The following TRHDE variants were observed in gnomAD, a reference collection of about 807,000 sequenced individuals.
TRHDE encodes thyrotropin releasing hormone degrading enzyme, also known as thyrotropin-releasing hormone-degrading ectoenzyme.
In TRHDE, 72 loss-of-function variants were observed where a neutral mutation model predicts 125.7. The ratio of observed to expected loss-of-function variants is 0.57; its 90% CI spans 0.47 to 0.70. The LOEUF is 0.70. Among genes scored for constraint, TRHDE ranks in the 30% least tolerant of loss-of-function variants. TRHDE has a pLI of 0.00. For missense variants in TRHDE, 1,110 were observed against 1,327.1 expected, an observed-to-expected ratio of 0.84 and a Z score of 2.54; for synonymous variants, 509 against 509.1, an observed-to-expected ratio of 1.00 and a Z score of 0.00.
chr12:72,490,993 A>T (rs201091717), intron 5 of TRHDE, among the ~76,000 whole-genome samples: 1 of 45,544 alleles, frequency 2.2e-5, no homozygotes, highest in Non-Finnish European at 3.5e-5. Context: ...CCACAAAACC[A>T]AAAAAAAAAA....
chr12:72,515,281 A>C (rs1473205595), intron 6 of TRHDE, among the ~76,000 whole-genome samples: 1 of 139,428 alleles, frequency 7.2e-6, no homozygotes, highest in Non-Finnish European at 1.5e-5. Context: ...CTATTTCTCC[A>C]CATCCTCTCC....
In TRHDE at chr12:72,335,413, C is replaced by T. The variant is rs1869786522; in HGVS notation, c.1189-42582C>T. On this transcript the variant is annotated intron_variant, in intron 2 of 18. Transcript: ENST00000261180. ...TTTGGCATTTAGTCATCTTTTATTT[C>T]AGTCTTTTCTGTGGTGGGCCAGAAA... 2.6e-5 allele frequency among the ~76,000 whole-genome samples: 4 copies of T among 152,282 alleles called. No homozygotes were observed. In the South Asian group the frequency reaches 8.3e-4, roughly 32 times the overall value.
intron 3 of TRHDE, among the ~76,000 whole-genome samples, chr12:72,387,579 A>G (rs1266257363): frequency 1.3e-5 from 2 of 152,140 alleles, no homozygotes; most frequent in African/African-American, 2.4e-5. Flanking sequence ...AAACATTTCA[A>G]TGGCTTCCCA....
chr12:72,104,174 A>C (rs1234589157), intron 1 of TRHDE, among the ~76,000 whole-genome samples: 1 of 152,104 alleles, frequency 6.6e-6, no homozygotes, highest in Non-Finnish European at 1.5e-5. Context: ...AAATTTTATT[A>C]TTTACTCTTA....
At position 72,547,151 on chromosome 12, in the gene TRHDE, GTT is replaced by G. The variant is rs5799079; in HGVS notation, c.1788+4806_1788+4807del. Among the ~76,000 whole-genome samples, 394 of 143,894 alleles carry G rather than the reference GTT, an allele frequency of 2.7e-3. 3 individuals are homozygous for G. The highest frequency in any genetic ancestry group is 9.0e-3 in the African/African-American group (358 of 39,820). 94.4% of individuals were successfully genotyped at this position (143,894 alleles called of 152,430 possible). On this transcript the variant is annotated intron_variant, in intron 7 of 18. Coordinates refer to ENST00000261180, the MANE Select transcript of TRHDE (RefSeq NM_013381.3). ...AATATTATTTGCATTATTTTTACTT[GTT>G]TTTTTTTTTTACCATATGGAGATTT...
chr12:72,224,097 T>C (rs1414683592), intron 2 of TRHDE, among the ~76,000 whole-genome samples: 2 of 32,376 alleles, frequency 6.2e-5, no homozygotes, highest in African/African-American at 2.7e-4. Context: ...TATCCATCTA[T>C]CTATCTATCT....
At chr12:72,515,490 T>C (rs1471772188) in intron 6 of TRHDE, among the ~76,000 whole-genome samples, 1 of 152,160 alleles carries the variant, frequency 6.6e-6, no homozygotes, top group African/African-American at 2.4e-5. Flanking sequence ...GGGATGTCTG[T>C]TTGTTTTTTT....
intron 2 of TRHDE, among the ~76,000 whole-genome samples, chr12:72,306,378 A>G (rs1471311117): frequency 1.3e-5 from 2 of 152,194 alleles, no homozygotes; most frequent in African/African-American, 4.8e-5. Context: ...GAAAATCTGC[A>G]TAATACTAAC....
chr12:72,195,210 G>C (rs527770124), intron 2 of TRHDE, among the ~76,000 whole-genome samples: 89 of 152,144 alleles, frequency 5.8e-4, no homozygotes, highest in African/African-American at 2.1e-3. Context: ...TCCATCCCAC[G>C]ACACGCGGGG....
chr12:72,397,314 A>G (rs1295694211), intron 3 of TRHDE, among the ~76,000 whole-genome samples: 1 of 152,228 alleles, frequency 6.6e-6, no homozygotes, highest in Non-Finnish European at 1.5e-5. Flanking sequence ...TCACCAAGCC[A>G]TCACCTTTTT....
At chr12:72,243,151 T>C (rs527656803) in intron 2 of TRHDE, among the ~76,000 whole-genome samples, 1 of 152,330 alleles carries the variant, frequency 6.6e-6, no homozygotes, top group African/African-American at 2.4e-5. Flanking sequence ...ACCTGGTCTT[T>C]GATGACATGA....
At chr12:72,241,833 G>T (rs1419162596) in intron 2 of TRHDE, among the ~76,000 whole-genome samples, 1 of 152,026 alleles carries the variant, frequency 6.6e-6, no homozygotes, top group Non-Finnish European at 1.5e-5. Context: ...TTTTCGTTAG[G>T]TTTTTTTCAA....
In TRHDE at chr12:72,285,525, T is replaced by C. The variant is rs577950211; in HGVS notation, c.915-1156T>C. On this transcript the variant is annotated intron_variant, in intron 1 of 18. Coordinates refer to ENST00000261180, the MANE Select transcript of TRHDE (RefSeq NM_013381.3). ...GTCTGAGTGTCCTTTTTTTCTTCTT[T>C]TTTTTTTTTTTTTTGAGACAGGGTC... 5.2e-3 allele frequency among the ~76,000 whole-genome samples: 769 copies of C among 147,806 alleles called. 6 individuals are homozygous for C. The highest frequency in any genetic ancestry group is 0.017 in the African/African-American group (675 of 40,724).
At chr12:72,434,704 G>C (rs1874661475) in intron 3 of TRHDE, among the ~76,000 whole-genome samples, 1 of 152,144 alleles carries the variant, frequency 6.6e-6, no homozygotes, top group Non-Finnish European at 1.5e-5. Flanking sequence ...CATGTCTCTT[G>C]AAATCCAGGC....
chr12:72,260,956 T>C (rs538655951), intron 2 of TRHDE, among the ~76,000 whole-genome samples: 1 of 152,308 alleles, frequency 6.6e-6, no homozygotes, highest in South Asian at 2.1e-4. Flanking sequence ...TTGTGAATTT[T>C]GACAGTCGTT....
intron 1 of TRHDE, among the ~76,000 whole-genome samples, chr12:72,088,671 A>T (rs190458085): frequency 2.5e-4 from 38 of 151,836 alleles, no homozygotes; most frequent in Non-Finnish European, 3.7e-4. Flanking sequence ...TGCTTCACAG[A>T]CCTCCCATCC....
chr12:72,314,778 A>T (rs1370002620), intron 2 of TRHDE, among the ~76,000 whole-genome samples: 1 of 152,152 alleles, frequency 6.6e-6, no homozygotes, highest in South Asian at 2.1e-4. Flanking sequence ...GTTTTGTTTA[A>T]TGTTTGGCAT....
intron 3 of TRHDE, among the ~76,000 whole-genome samples, chr12:72,407,354 C>T (rs990123130): frequency 6.6e-6 from 1 of 152,146 alleles, no homozygotes; most frequent in African/African-American, 2.4e-5. Flanking sequence ...TATGATAAAG[C>T]TAAGAGAGGG....
chr12:72,117,435 T>C (rs1875472704), intron 2 of TRHDE, among the ~76,000 whole-genome samples: 1 of 152,190 alleles, frequency 6.6e-6, no homozygotes, highest in Non-Finnish European at 1.5e-5. Flanking sequence ...TATTGGTCTA[T>C]GTGTCTGATT....
Sources: allele counts gnomAD v4.1 joint callset (sites outside exome capture counted in the v4.1 genomes callset), GRCh38; gene constraint gnomAD v4.1.1; transcripts MANE v1.5; gene names NCBI Gene and HGNC (gene_info 2026-07-23, HGNC 2026-07-21).